The following PRUNE2 variants were observed in gnomAD, a reference collection of about 807,000 sequenced individuals.
PRUNE2 encodes the protein protein prune homolog 2.
Under a neutral mutation model 252.0 loss-of-function variants are expected in PRUNE2, and 164 were observed. The ratio of observed to expected loss-of-function variants is 0.65; its 90% confidence interval spans 0.57 to 0.74. The LOEUF (loss-of-function observed/expected upper bound fraction) is 0.74. Ranked by LOEUF, PRUNE2 falls within the 30% of genes least tolerant of loss-of-function variation. The pLI is 0.00. For synonymous variants in PRUNE2, 1,292 were observed against 1,350.2 expected (o/e 0.96, Z 0.94); for missense variants, 3,495 against 3,711.0 (o/e 0.94, Z 1.51).
chr9:76,846,414 A>G (rs1208839548), intron 4 of PRUNE2, 101 bp downstream of exon 4: 11 of 1,028,890 alleles, frequency 1.1e-5, no homozygotes, highest in Non-Finnish European at 1.5e-5. Flanking sequence ...GTCTTTAAAG[A>G]GATTGTTAAC....
At chr9:76,745,747 C>T (rs989573317) in intron 6 of PRUNE2, among the ~76,000 whole-genome samples, 3 of 152,194 alleles carry the variant, frequency 2.0e-5, no homozygotes, top group African/African-American at 7.2e-5. Flanking sequence ...TGTAGTTCCC[C>T]TGCTTTGATA....
intron 15 of PRUNE2, among the ~76,000 whole-genome samples, chr9:76,631,652 T>C (rs1837659776): frequency 6.6e-6 from 1 of 152,256 alleles, no homozygotes; most frequent in Non-Finnish European, 1.5e-5. Flanking sequence ...AATCCAGTGC[T>C]TGGCACAGAC....
intron 6 of PRUNE2, among the ~76,000 whole-genome samples, chr9:76,771,064 A>C (rs627587): frequency 0.55 from 82,983 of 151,732 alleles, 24,432 homozygotes; most frequent in African/African-American, 0.77. Flanking sequence ...ACAAAAAATT[A>C]TCTAAAGATA....
chr9:76,670,676 T>C (rs1433301237), intron 9 of PRUNE2, among the ~76,000 whole-genome samples: 2 of 152,100 alleles, frequency 1.3e-5, no homozygotes, highest in Non-Finnish European at 2.9e-5. Flanking sequence ...AAGAGAGCAG[T>C]GGTTCTCCCA....
intron 1 of PRUNE2, chr9:76,857,098 C>T: frequency 2.2e-6 from 1 of 455,948 alleles, no homozygotes; most frequent in Non-Finnish European, 4.4e-6. Flanking sequence ...TCCTCACTTT[C>T]CTTCATCCTA....
intron 1 of PRUNE2, chr9:76,869,035 G>C (rs986395325): frequency 1.3e-5 from 2 of 152,206 alleles, no homozygotes; most frequent in Non-Finnish European, 2.9e-5. Flanking sequence ...GAGCTAATTA[G>C]TCAGGTCTTC....
chr9:76,848,060 T>C (rs1040681561), intron 3 of PRUNE2, among the ~76,000 whole-genome samples: 2 of 152,190 alleles, frequency 1.3e-5, no homozygotes, highest in Admixed American at 6.5e-5. Flanking sequence ...GGTCAGGAGT[T>C]TGAAACCAGC....
chr9:76,614,267 C>A lies in PRUNE2; in HGVS notation c.*303G>T, dbSNP rs185206252. ...ATTAAAGGTATCTTACTGGTAAACA[C>A]CAGTCTAAGGGACAAAGTATCACTA... is the stretch of plus-strand genomic sequence containing the variant. On this transcript the variant is annotated 3_prime_UTR_variant, in exon 19 of 19. Coordinates refer to ENST00000376718, the MANE Select transcript of PRUNE2 (RefSeq NM_015225.3). The A allele has an allele frequency of 2.5e-6, 1 of 408,022 alleles. No individual in the cohort carries two copies. The highest frequency in any genetic ancestry group is 2.1e-5 in the African/African-American group (1 of 47,508). The allele number at this position is 408,022 out of a possible 1,614,324, so 25.3% of individuals were successfully genotyped here. A position where few individuals can be genotyped will look rare whatever the true frequency, so the allele number is the denominator to read the frequency against.
At chr9:76,840,400 T>C (rs938756091) in intron 4 of PRUNE2, among the ~76,000 whole-genome samples, 5 of 152,188 alleles carry the variant, frequency 3.3e-5, no homozygotes, top group African/African-American at 1.2e-4. Context: ...CACACCAGCA[T>C]GCCCAAGCAT....
chr9:76,851,973 T>C (rs2059985978), intron 2 of PRUNE2, among the ~76,000 whole-genome samples: 2 of 152,230 alleles, frequency 1.3e-5, no homozygotes, highest in Non-Finnish European at 2.9e-5. Context: ...GTGCATAACA[T>C]AAATGGCCTT....
intron 6 of PRUNE2, among the ~76,000 whole-genome samples, chr9:76,752,097 G>GTTT (rs1411263754): frequency 1.9e-4 from 4 of 21,352 alleles, no homozygotes; most frequent in Non-Finnish European, 2.9e-4. Flanking sequence ...TTTTTTTTTG[G>GTTT]TTTTTTTTTT....
At chr9:76,652,194 G>C (rs139240711) in intron 11 of PRUNE2, 5 of 269,256 alleles carry the variant, frequency 1.9e-5, no homozygotes, top group Middle Eastern at 1.1e-3. Context: ...CCCAGCCCCA[G>C]GTTTCTTGTA....
intron 6 of PRUNE2, among the ~76,000 whole-genome samples, chr9:76,813,610 T>C (rs1158571332): frequency 1.3e-5 from 2 of 152,238 alleles, no homozygotes; most frequent in East Asian, 1.9e-4. Flanking sequence ...TATTTCTTCA[T>C]TGTTTCAGTT....
chr9:76,679,201 A>G (rs947807554), intron 9 of PRUNE2, among the ~76,000 whole-genome samples: 4 of 152,228 alleles, frequency 2.6e-5, no homozygotes, highest in African/African-American at 7.2e-5. Flanking sequence ...GATAGGGAAC[A>G]CTGCCTTGCC....
At chr9:76,895,934 C>T (rs1307513209) in intron 1 of PRUNE2, among the ~76,000 whole-genome samples, 1 of 152,114 alleles carries the variant, frequency 6.6e-6, no homozygotes, top group Non-Finnish European at 1.5e-5. Flanking sequence ...CAGGTGTGTG[C>T]CACCACTAAT....
At chr9:76,758,304 C>T (rs1181807062) in intron 6 of PRUNE2, among the ~76,000 whole-genome samples, 1 of 151,994 alleles carries the variant, frequency 6.6e-6, no homozygotes, top group Non-Finnish European at 1.5e-5. Flanking sequence ...CTGAAGTCAC[C>T]CTCCTGTCCA....
intron 11 of PRUNE2, among the ~76,000 whole-genome samples, chr9:76,650,396 T>G (rs2133205636): frequency 1.3e-5 from 2 of 152,018 alleles, no homozygotes; most frequent in African/African-American, 4.8e-5. Flanking sequence ...TTTGAAAAAC[T>G]ATACCTTAAA....
At chr9:76,878,727 TA>T (rs1325138757) in intron 1 of PRUNE2, among the ~76,000 whole-genome samples, 2 of 152,188 alleles carry the variant, frequency 1.3e-5, no homozygotes, top group East Asian at 3.9e-4. Flanking sequence ...TTCTAAAACT[TA>T]AAAAAATCCT....
intron 2 of PRUNE2, among the ~76,000 whole-genome samples, chr9:76,852,505 G>A (rs925069826): frequency 1.3e-5 from 2 of 152,194 alleles, no homozygotes; most frequent in African/African-American, 2.4e-5. Flanking sequence ...CTGAAAATGC[G>A]GCTCACTTAC....
Sources: allele counts gnomAD v4.1 joint callset (sites outside exome capture counted in the v4.1 genomes callset), GRCh38; gene constraint gnomAD v4.1.1; transcripts MANE v1.5; gene names NCBI Gene and HGNC (gene_info 2026-07-23, HGNC 2026-07-21).